Variants in SLFN12L observed in about 807,000 individuals in gnomAD.
SLFN12L encodes schlafen family member 12-like.
In SLFN12L, 34 loss-of-function variants were observed where a neutral mutation model predicts 34.8. The ratio of observed to expected loss-of-function variants is 0.98; its 90% CI spans 0.74 to 1.30. The LOEUF is 1.30. SLFN12L is among the 50% of genes most tolerant of loss of function. The probability of loss-of-function intolerance (pLI) is 0.00; values close to 1 mark genes in which losing one functional copy is unlikely to be tolerated. For synonymous variants in SLFN12L, 259 were observed against 247.5 expected, an observed-to-expected ratio of 1.05 and a Z score of -0.44; for missense variants, 703 against 696.2, an observed-to-expected ratio of 1.01 and a Z score of -0.11.
intron 2 of SLFN12L, among the ~76,000 whole-genome samples, chr17:35,504,105 A>G (rs1014143132): frequency 6.6e-6 from 1 of 152,234 alleles, no homozygotes; most frequent in African/African-American, 2.4e-5. Flanking sequence ...ATTGCATTTA[A>G]TGCTTGCCTT....
rs1180863345 is a variant in SLFN12L, at chr17:35,474,767, T to C, written c.*156A>G. On this transcript the variant is annotated 3_prime_UTR_variant, in exon 5 of 5. Transcript: ENST00000628453. Reference sequence around the variant, plus strand: ...GGTGAAACCCCATCTCTGCTAAAAATACAAAAAAAAAAAAATTAGCCAGGT... The same window carrying C: ...GGTGAAACCCCATCTCTGCTAAAAACACAAAAAAAAAAAAATTAGCCAGGT... The C allele has an allele frequency of 1.7e-6, 1 of 593,936 alleles. No individual in the cohort carries two copies. The highest frequency in any genetic ancestry group is 3.4e-5 in the East Asian group (1 of 29,764). The allele number at this position is 593,936 out of a possible 1,614,324, so 36.8% of individuals were successfully genotyped here.
At chr17:35,499,617 C>G (rs1915219689) in intron 2 of SLFN12L, 1 of 161,746 alleles carries the variant, frequency 6.2e-6, no homozygotes, top group Non-Finnish European at 1.3e-5. Flanking sequence ...TGTGCCATTT[C>G]ACAGTCTCAG....
chr17:35,487,805 G>T, intron 2 of SLFN12L: 1 of 1,507,718 alleles, frequency 6.6e-7, no homozygotes, highest in Non-Finnish European at 8.9e-7. Flanking sequence ...CTCCGCGTCC[G>T]TGTGCGGCTA....
chr17:35,506,931 A>G (rs1345443661), intron 2 of SLFN12L, among the ~76,000 whole-genome samples: 1 of 152,200 alleles, frequency 6.6e-6, no homozygotes, highest in Non-Finnish European at 1.5e-5. Context: ...TTGGGCAAAA[A>G]CTGTATAATA....
chr17:35,517,950 G>T (rs528522443), intron 2 of SLFN12L, among the ~76,000 whole-genome samples: 1 of 152,140 alleles, frequency 6.6e-6, no homozygotes, highest in Non-Finnish European at 1.5e-5. Context: ...AACGCTAAAA[G>T]AAAACCTAGG....
chr17:35,526,360 A>G (rs1387453305), intron 1 of SLFN12L, among the ~76,000 whole-genome samples: 1 of 152,226 alleles, frequency 6.6e-6, no homozygotes, highest in East Asian at 1.9e-4. Context: ...AAGCGGATCT[A>G]ATAGACATCT....
At position 35,475,374 on chromosome 17, in the gene SLFN12L, C is replaced by T; in HGVS notation, c.1388G>A (p.Gly463Asp). ...CCAGCTCCTAGAGAAGATCAGTGAG[C>T]CCTTATTGACAGAGCCCATTTCTTC... ...ICEEMGSVNKGSLIFSRSWSL... is the reference protein window; with the variant it reads ...ICEEMGSVNKDSLIFSRSWSL... Residue 463 changes from glycine to aspartate, a missense_variant, in exon 5 of 5, where the codon GGC becomes GAC. Coordinates refer to ENST00000628453, the MANE Select transcript of SLFN12L (RefSeq NM_001363830.2). 1 of 1,614,192 alleles carries T rather than the reference C, an allele frequency of 6.2e-7. No homozygotes were observed. Among genetic ancestry groups the T allele is most frequent in the Non-Finnish European group, 8.5e-7 (1 of 1,180,042 alleles).
intron 4 of SLFN12L, among the ~76,000 whole-genome samples, chr17:35,476,197 G>A (rs1679449177): frequency 6.6e-6 from 1 of 152,006 alleles, no homozygotes; most frequent in Non-Finnish European, 1.5e-5. Context: ...TGGGATTTCA[G>A]AAACAAAATC....
At chr17:35,507,411 G>A (rs555438615) in intron 2 of SLFN12L, among the ~76,000 whole-genome samples, 18 of 152,170 alleles carry the variant, frequency 1.2e-4, no homozygotes, top group Non-Finnish European at 2.1e-4. Flanking sequence ...GCAGAGCCTT[G>A]ACTATTCTGG....
Position 35,534,287 on chromosome 17 carries a change from G to A in SLFN12L, c.-606+3286C>T, listed in dbSNP as rs961166004. On this transcript the variant is annotated intron_variant, in intron 1 of 4. Coordinates refer to ENST00000628453, the MANE Select transcript of SLFN12L (RefSeq NM_001363830.2). ...TGAGGCAGGAGAATCTCTTGAACCC[G>A]GGAAGCGGAGGTTGCAGTGAGCTGA... Among the ~76,000 whole-genome samples, 7 of 152,166 alleles carry A rather than the reference G, an allele frequency of 4.6e-5. No individual in the cohort carries two copies. The East Asian group carries it at 5.8e-4, about 13-fold the overall frequency.
chr17:35,499,123 C>A, intron 2 of SLFN12L: 2 of 857,926 alleles, frequency 2.3e-6, no homozygotes, highest in South Asian at 2.6e-5. Flanking sequence ...AAATCAGAGT[C>A]CTGTCAAGTA....
chr17:35,489,611 A>G (rs1914750780), intron 2 of SLFN12L, among the ~76,000 whole-genome samples: 2 of 152,154 alleles, frequency 1.3e-5, no homozygotes, highest in South Asian at 4.2e-4. Flanking sequence ...CCCCAAAATT[A>G]TATTAAGACC....
Position 35,469,289 on chromosome 17 carries a change from A to T in SLFN12L, c.*5634T>A, listed in dbSNP as rs1224341154. Among the ~76,000 whole-genome samples the T allele has an allele frequency of 2.2e-5, 3 of 138,956 alleles. No homozygotes were observed. The highest frequency in any genetic ancestry group is 2.2e-4 in the South Asian group (1 of 4,554). 91.2% of individuals were successfully genotyped at this position (138,956 alleles called of 152,430 possible). A position where few individuals can be genotyped will look rare whatever the true frequency, so the allele number is the denominator to read the frequency against. On this transcript the variant is annotated 3_prime_UTR_variant, in exon 5 of 5. Transcript: ENST00000628453. ...TGACTGCAGGACCTGTTTTATATAA[A>T]ATATATATATATAAAATATATATAT...
intron 1 of SLFN12L, among the ~76,000 whole-genome samples, chr17:35,527,514 C>T (rs2072349693): frequency 6.6e-6 from 1 of 152,146 alleles, no homozygotes; most frequent in African/African-American, 2.4e-5. Context: ...ACAGTCAAGT[C>T]AGCTTCATCC....
At chr17:35,529,826 C>T (rs567182666) in intron 1 of SLFN12L, among the ~76,000 whole-genome samples, 2 of 151,980 alleles carry the variant, frequency 1.3e-5, no homozygotes, top group Admixed American at 6.6e-5. Context: ...ACATGTACCC[C>T]AGAACTTAAA....
At position 35,475,310 on chromosome 17, in the gene SLFN12L, G is replaced by T. The variant is rs765328836; in HGVS notation, c.1452C>A (p.Leu484=). The change falls in exon 5 of 5, where the codon CTC becomes CTA. Residue 484 remains leucine (L), a synonymous_variant. Coordinates refer to ENST00000628453, the MANE Select transcript of SLFN12L (RefSeq NM_001363830.2). Reference sequence around the variant, plus strand: ...CCTGGGAAATCAGAAGAGCATCACAGAGGACTTTGTGGTTCTCTTGCAAGC... The same window carrying T: ...CCTGGGAAATCAGAAGAGCATCACATAGGACTTTGTGGTTCTCTTGCAAGC... ...DLGLQENHKV[L]CDALLISQDK... The T allele has an allele frequency of 6.2e-7, 1 of 1,614,186 alleles. No homozygotes were observed. The highest frequency in any genetic ancestry group is 1.1e-5 in the South Asian group (1 of 91,084).
Position 35,472,396 on chromosome 17 carries a change from T to TC in SLFN12L, c.*2526dup, listed in dbSNP as rs2142120911. ...ACCATTTATTGAATAGAAGATCCTT[T>TC]CCCCATTGCTTGTTTTTGTCAAGTT... On this transcript the variant is annotated 3_prime_UTR_variant, in exon 5 of 5. Coordinates refer to ENST00000628453, the MANE Select transcript of SLFN12L (RefSeq NM_001363830.2). 6.6e-6 allele frequency among the ~76,000 whole-genome samples: 1 copy of TC among 152,322 alleles called. No individual in the cohort carries two copies. Among genetic ancestry groups the TC allele is most frequent in the African/African-American group, 2.4e-5 (1 of 41,566 alleles).
At chr17:35,503,971 C>T (rs980251861) in intron 2 of SLFN12L, among the ~76,000 whole-genome samples, 1 of 152,198 alleles carries the variant, frequency 6.6e-6, no homozygotes, top group African/African-American at 2.4e-5. Context: ...CAGGAGAAAA[C>T]CCTACAAAAC....
chr17:35,517,560 T>C lies in SLFN12L; in HGVS notation c.86+4719A>G, dbSNP rs544660015. 8.5e-5 allele frequency among the ~76,000 whole-genome samples: 13 copies of C among 152,308 alleles called. No individual in the cohort carries two copies. In the South Asian group the frequency reaches 2.3e-3, roughly 27 times the overall value. On this transcript the variant is annotated intron_variant, in intron 2 of 4. Transcript: ENST00000628453. ...TTAGAAAAAACTACTGTAAATTTCA[T>C]ATGGAACCAAAAAAGAGCCCATATA...
Sources: gnomAD v4.1 joint callset for allele counts (sites outside exome capture counted in the v4.1 genomes callset) on GRCh38, gnomAD v4.1.1 for gene constraint, MANE v1.5 for transcripts, NCBI Gene and HGNC (gene_info 2026-07-23, HGNC 2026-07-21) for gene names.